The following ZMYM4 variants were observed in gnomAD, a reference collection of about 807,000 sequenced individuals.
ZMYM4 encodes the protein zinc finger MYM-type containing 4.
In ZMYM4, 31 loss-of-function variants were observed where a neutral mutation model predicts 183.2. The ratio of observed to expected loss-of-function variants is 0.17; its 90% CI spans 0.13 to 0.23. The LOEUF is 0.23. Among genes scored for constraint, ZMYM4 ranks in the 10% least tolerant of loss-of-function variants. The probability of loss-of-function intolerance (pLI) is 1.00; values close to 1 mark genes in which losing one functional copy is unlikely to be tolerated. For missense variants in ZMYM4, 1,273 were observed against 1,840.3 expected (o/e 0.69, Z 5.64); for synonymous variants, 592 against 631.2 (o/e 0.94, Z 0.93).
intron 1 of ZMYM4, among the ~76,000 whole-genome samples, chr1:35,294,772 C>T (rs995584734): frequency 9.9e-5 from 15 of 152,198 alleles, no homozygotes; most frequent in Admixed American, 4.6e-4. Context: ...TGGGATGGTA[C>T]GCTTTCCAAG....
intron 1 of ZMYM4, among the ~76,000 whole-genome samples, chr1:35,313,609 G>A (rs1464069575): frequency 1.3e-5 from 2 of 150,490 alleles, no homozygotes; most frequent in Admixed American, 6.6e-5. Context: ...GGTTGGTCTC[G>A]AACTCCTGAG....
intron 9 of ZMYM4, among the ~76,000 whole-genome samples, chr1:35,382,933 T>C (rs1644497933): frequency 6.6e-6 from 1 of 152,132 alleles, no homozygotes; most frequent in African/African-American, 2.4e-5. Context: ...CAAGGAAAGG[T>C]TCAAGTTGCA....
In ZMYM4 at chr1:35,359,286, A is replaced by G. The variant is rs1643889338; in HGVS notation, c.447A>G (p.Lys149=). 2 of 1,608,810 alleles carry G rather than the reference A, an allele frequency of 1.2e-6. No individual in the cohort carries two copies. The highest frequency in any genetic ancestry group is 1.7e-6 in the Non-Finnish European group (2 of 1,178,606). The part of the protein sequence containing the change: ...PKQFDQVSVF[K]SIRKDFSLVR... ...AATTTGATCAGGTTTCTGTCTTTAA[A>G]TCAATACGGAAAGATTTTAGTCTAG... is the stretch of plus-strand genomic sequence containing the variant. Residue 149 remains lysine, a synonymous_variant, in exon 3 of 30, where the codon AAA becomes AAG. Coordinates refer to ENST00000314607, the MANE Select transcript of ZMYM4 (RefSeq NM_005095.3).
chr1:35,320,093 T>C (rs1435626132), intron 1 of ZMYM4, among the ~76,000 whole-genome samples: 6 of 152,224 alleles, frequency 3.9e-5, no homozygotes, highest in Non-Finnish European at 8.8e-5. Flanking sequence ...CTGCCCCAGG[T>C]TCCTGGCACA....
intron 1 of ZMYM4, among the ~76,000 whole-genome samples, chr1:35,324,918 G>T (rs954585589): frequency 6.6e-6 from 1 of 151,888 alleles, no homozygotes; most frequent in African/African-American, 2.4e-5. Flanking sequence ...CCTATAACAG[G>T]CCTCACTTTC....
chr1:35,283,716 T>C (rs11264130), intron 1 of ZMYM4, among the ~76,000 whole-genome samples: 19,935 of 152,080 alleles, frequency 0.13, 2,982 homozygotes, highest in East Asian at 0.68. Context: ...ATGTGTTTAT[T>C]GGCCTTTTGT....
At position 35,405,355 on chromosome 1, in the gene ZMYM4, T is replaced by C; in HGVS notation, c.3701-18T>C. The C allele has an allele frequency of 6.3e-7, 1 of 1,590,074 alleles. No homozygotes were observed. Among genetic ancestry groups the C allele is most frequent in the South Asian group, 1.2e-5 (1 of 86,070 alleles). On this transcript the variant is annotated intron_variant, in intron 24 of 29. Transcript: ENST00000314607. Reference sequence around the variant, plus strand: ...TTATTTTATTTAAACTTTTCTTTTATGTTTCTCTCCTTGTCAGGGGTTGAA... The same window carrying C: ...TTATTTTATTTAAACTTTTCTTTTACGTTTCTCTCCTTGTCAGGGGTTGAA...
chr1:35,273,341 A>AT (rs1639712235), intron 1 of ZMYM4, among the ~76,000 whole-genome samples: 1 of 152,130 alleles, frequency 6.6e-6, no homozygotes, highest in Non-Finnish European at 1.5e-5. Context: ...AGATGATAAA[A>AT]TTTTTGTTTT....
At chr1:35,348,214 T>C (rs1037763819) in intron 2 of ZMYM4, among the ~76,000 whole-genome samples, 1 of 152,224 alleles carries the variant, frequency 6.6e-6, no homozygotes, top group Non-Finnish European at 1.5e-5. Flanking sequence ...ATCAAACTCA[T>C]TTCTATCAGA....
At chr1:35,378,649 C>T (rs781476000) in intron 7 of ZMYM4, among the ~76,000 whole-genome samples, 7 of 152,170 alleles carry the variant, frequency 4.6e-5, no homozygotes, top group Non-Finnish European at 8.8e-5. Context: ...AAGTCACCAG[C>T]TATGTTAGCC....
In ZMYM4 at chr1:35,398,387, A is replaced by G. The variant is rs369661594; in HGVS notation, c.3200-26A>G. 20 of 1,599,450 alleles carry G rather than the reference A, an allele frequency of 1.3e-5. No individual in the cohort carries two copies. In the African/African-American group the frequency reaches 2.6e-4, roughly 21 times the overall value. On this transcript the variant is annotated intron_variant, in intron 20 of 29. Transcript: ENST00000314607. ...ATAATTTGTTGTCTAAACATAAATT[A>G]TTTATGTGCTTTTCTTTTTCTTTAG...
chr1:35,322,614 A>G (rs1347397861), intron 1 of ZMYM4, among the ~76,000 whole-genome samples: 1 of 152,210 alleles, frequency 6.6e-6, no homozygotes, highest in African/African-American at 2.4e-5. Flanking sequence ...CAGTAGAAAT[A>G]GTGCAGGCAG....
At chr1:35,409,618 T>C (rs1354598566) in intron 26 of ZMYM4, among the ~76,000 whole-genome samples, 2 of 152,102 alleles carry the variant, frequency 1.3e-5, no homozygotes, top group South Asian at 2.1e-4. Flanking sequence ...TGTATTGCCA[T>C]AGGGGAGTAC....
intron 12 of ZMYM4, 81 bp downstream of exon 12, chr1:35,387,359 A>G (rs1203221031): frequency 2.5e-6 from 4 of 1,574,722 alleles, no homozygotes; most frequent in Non-Finnish European, 3.4e-6. Flanking sequence ...TGCATCTCTC[A>G]AAATCATACC....
chr1:35,371,102 TGTGTGCGC>T (rs1644201274), intron 7 of ZMYM4, among the ~76,000 whole-genome samples: 2 of 129,998 alleles, frequency 1.5e-5, no homozygotes, highest in South Asian at 5.1e-4. Context: ...TGTGTGTGTG[TGTGTGCGC>T]ACATTTATTT....
At position 35,405,475 on chromosome 1, in the gene ZMYM4, T is replaced by G; in HGVS notation, c.3796+7T>G. ...TCAGAGCCAGGCTGTAGAGGTAAAA[T>G]TTGTTTCTCTCCATTTGGTATGAAT... On this transcript the variant is annotated splice_region_variant and intron_variant, in intron 25 of 29. Coordinates refer to ENST00000314607, the MANE Select transcript of ZMYM4 (RefSeq NM_005095.3). The G allele has an allele frequency of 6.3e-7, 1 of 1,583,526 alleles. No homozygotes were observed. The highest frequency in any genetic ancestry group is 8.6e-7 in the Non-Finnish European group (1 of 1,166,898).
chr1:35,393,716 C>T lies in ZMYM4; in HGVS notation c.2888C>T (p.Thr963Ile), dbSNP rs762437882. 1 of 1,608,954 alleles carries T rather than the reference C, an allele frequency of 6.2e-7. No individual in the cohort carries two copies. Among genetic ancestry groups the T allele is most frequent in the Non-Finnish European group, 8.5e-7 (1 of 1,177,626 alleles). ...AAAGCCACCTCTTGCAAACCACATA[C>T]CCAAAACAAAGAATGCCAGACAGGT... ...QTKATSCKPHTQNKECQTEDT... is the reference protein window; with the variant it reads ...QTKATSCKPHIQNKECQTEDT... The change falls in exon 18 of 30, where the codon ACC becomes ATC. Residue 963 changes from threonine (T) to isoleucine (I), a missense_variant. Physicochemically the swap from Thr to Ile is moderately conservative, Grantham distance 89 (BLOSUM62 -1). Around this residue, in one of 6 missense-constraint regions of ZMYM4, gnomAD observed 290 missense variants for 353.3 expected, o/e 0.82. Transcript: ENST00000314607.
chr1:35,306,390 C>T (rs1290199925), intron 1 of ZMYM4, among the ~76,000 whole-genome samples: 3 of 152,040 alleles, frequency 2.0e-5, no homozygotes, highest in Non-Finnish European at 4.4e-5. Context: ...TAAGGTCTCA[C>T]GAATTCTTTA....
intron 1 of ZMYM4, among the ~76,000 whole-genome samples, chr1:35,308,067 C>T (rs536099235): frequency 6.6e-5 from 10 of 152,254 alleles, no homozygotes; most frequent in Non-Finnish European, 1.2e-4. Flanking sequence ...TCTTGGCTCA[C>T]TGCAACCTCC....
Sources: allele counts gnomAD v4.1 joint callset (sites outside exome capture counted in the v4.1 genomes callset), GRCh38; gene constraint gnomAD v4.1.1; regional missense constraint gnomAD v4.1.1; transcripts MANE v1.5; gene names NCBI Gene and HGNC (gene_info 2026-07-23, HGNC 2026-07-21).